The following ANTXR1 variants were observed in gnomAD, a reference collection of about 807,000 sequenced individuals.
ANTXR1 encodes ANTXR cell adhesion molecule 1.
A neutral mutation model predicts 78.1 loss-of-function variants in ANTXR1; 19 were observed. The observed-to-expected ratio is 0.24, with a 90% CI of 0.17 to 0.36. The LOEUF (loss-of-function observed/expected upper bound fraction) is 0.36. Among genes scored for constraint, ANTXR1 ranks in the 10% least tolerant of loss-of-function variants. The pLI, the probability that ANTXR1 is intolerant of heterozygous loss-of-function variation, is 1.00. For synonymous variants in ANTXR1, 273 were observed against 260.5 expected, an observed-to-expected ratio of 1.05 and a Z score of -0.46; for missense variants, 518 against 718.6, an observed-to-expected ratio of 0.72 and a Z score of 3.19.
chr2:69,184,216 G>T (rs1212206004), intron 16 of ANTXR1, among the ~76,000 whole-genome samples: 2 of 152,204 alleles, frequency 1.3e-5, no homozygotes, highest in Non-Finnish European at 2.9e-5. Context: ...AACGTTATTG[G>T]TGGTTACCTT....
chr2:69,102,775 T>A, intron 9 of ANTXR1, 67 bp from the exon 10 acceptor site: 1 of 1,444,998 alleles, frequency 6.9e-7, no homozygotes, highest in South Asian at 1.1e-5. Context: ...ATGCTCTAAA[T>A]CAGGGCAGAT....
At chr2:69,102,820 T>C (rs777097309) in intron 9 of ANTXR1, 22 bp from the exon 10 acceptor site, 1 of 1,610,738 alleles carries the variant, frequency 6.2e-7, no homozygotes, top group South Asian at 1.1e-5. Flanking sequence ...GTAACGAGTC[T>C]CGTCATTATT....
At chr2:69,103,036 C>T (rs755816284) in intron 10 of ANTXR1, 96 bp downstream of exon 10, 3 of 1,245,622 alleles carry the variant, frequency 2.4e-6, no homozygotes, top group Non-Finnish European at 2.4e-6. Flanking sequence ...CACATGAAAC[C>T]AGCAGAAAAG....
chr2:69,057,828 C>T (rs917628685), intron 3 of ANTXR1, among the ~76,000 whole-genome samples: 3 of 152,122 alleles, frequency 2.0e-5, no homozygotes, highest in African/African-American at 4.8e-5. Context: ...GCGTCTTGTG[C>T]CTGTTAGCTA....
intron 17 of ANTXR1, among the ~76,000 whole-genome samples, chr2:69,197,068 C>T (rs560024615): frequency 2.0e-5 from 3 of 152,316 alleles, no homozygotes; most frequent in East Asian, 1.9e-4. Flanking sequence ...GCAGGGAACA[C>T]GAGTGTTTTC....
chr2:69,193,338 A>C lies in ANTXR1; in HGVS notation c.1357A>C (p.Lys453Gln), dbSNP rs1251706316. The change falls in exon 17 of 18, where the codon AAA becomes CAA. Residue 453 changes from lysine (K) to glutamine (Q), a missense_variant. Physicochemically the swap from Lys to Gln is moderately conservative, Grantham distance 53 (BLOSUM62 1). This residue lies in a region of ANTXR1 where 192 missense variants were observed against 230.2 expected (regional missense o/e 0.83). Coordinates refer to ENST00000303714, the MANE Select transcript of ANTXR1 (RefSeq NM_032208.3). ...TGGTGCATTTGTTTTATTTCAGGGA[A>C]AACTCGATGCCTTGTGGGTCCTACT... The part of the protein sequence containing the change: ...PRKWYSPIKG[K>Q]LDALWVLLRK... 1 of 1,613,798 alleles carries C rather than the reference A, an allele frequency of 6.2e-7. No homozygotes were observed. The highest frequency in any genetic ancestry group is 8.5e-7 in the Non-Finnish European group (1 of 1,179,916).
At chr2:69,078,704 A>G (rs1670812588) in intron 8 of ANTXR1, among the ~76,000 whole-genome samples, 2 of 152,218 alleles carry the variant, frequency 1.3e-5, no homozygotes, top group Admixed American at 1.3e-4. Context: ...TGAGGATTAC[A>G]AGGATTACTG....
chr2:69,152,321 C>A, intron 13 of ANTXR1, 57 bp downstream of exon 13: 3 of 1,528,922 alleles, frequency 2.0e-6, no homozygotes, highest in South Asian at 1.1e-5. Flanking sequence ...AGTTCACAGA[C>A]CATGAGTAGA....
In ANTXR1 at chr2:69,049,017, T is replaced by A. The variant is rs546981853; in HGVS notation, c.296+4204T>A. On this transcript the variant is annotated intron_variant, in intron 3 of 17. Transcript: ENST00000303714. ...TTCAAATTAGTCTAATTGTCAACAT[T>A]TTTTTCCCAGGCATTTTAAGTTGCC... 2.0e-5 allele frequency among the ~76,000 whole-genome samples: 3 copies of A among 152,302 alleles called. No individual in the cohort carries two copies. In the South Asian group the frequency reaches 6.2e-4, roughly 32 times the overall value.
intron 12 of ANTXR1, among the ~76,000 whole-genome samples, chr2:69,131,541 C>T (rs1329290083): frequency 2.0e-5 from 3 of 152,192 alleles, no homozygotes; most frequent in Non-Finnish European, 2.9e-5. Context: ...TTGGAAAGAG[C>T]GGTTGTCTCT....
intron 17 of ANTXR1, among the ~76,000 whole-genome samples, chr2:69,234,347 C>G (rs1675699450): frequency 6.6e-6 from 1 of 152,166 alleles, no homozygotes; most frequent in African/African-American, 2.4e-5. Context: ...AATGGTATTT[C>G]TAAGTTAGCA....
intron 16 of ANTXR1, among the ~76,000 whole-genome samples, chr2:69,187,482 G>C (rs1573964116): frequency 6.6e-6 from 1 of 151,660 alleles, no homozygotes; most frequent in Non-Finnish European, 1.5e-5. Context: ...ACTCATGAGT[G>C]CATGTGTGTC....
chr2:69,187,254 A>G (rs1038008036), intron 16 of ANTXR1, among the ~76,000 whole-genome samples: 1 of 152,010 alleles, frequency 6.6e-6, no homozygotes, highest in African/African-American at 2.4e-5. Flanking sequence ...TCCTCATTCC[A>G]GACTCATGAT....
chr2:69,068,608 C>T (rs1025682689), intron 3 of ANTXR1, among the ~76,000 whole-genome samples: 2 of 152,144 alleles, frequency 1.3e-5, no homozygotes, highest in African/African-American at 4.8e-5. Flanking sequence ...GACAGGGAGG[C>T]AAGAGCCATC....
intron 3 of ANTXR1, among the ~76,000 whole-genome samples, chr2:69,050,842 A>G (rs960396046): frequency 3.3e-5 from 5 of 152,072 alleles, no homozygotes; most frequent in African/African-American, 1.2e-4. Context: ...TATTTGCCCC[A>G]TTCAGATTAC....
intron 3 of ANTXR1, among the ~76,000 whole-genome samples, chr2:69,051,756 T>C (rs763332186): frequency 1.1e-4 from 16 of 152,124 alleles, no homozygotes; most frequent in Non-Finnish European, 2.4e-4. Context: ...TTTATTTTAA[T>C]TTCCAACACA....
At chr2:69,205,447 C>A (rs945873768) in intron 17 of ANTXR1, among the ~76,000 whole-genome samples, 3 of 152,204 alleles carry the variant, frequency 2.0e-5, no homozygotes, top group Non-Finnish European at 4.4e-5. Flanking sequence ...AAGCCCAAGA[C>A]CTTCTCCCAG....
intron 1 of ANTXR1, among the ~76,000 whole-genome samples, chr2:69,030,298 A>G (rs1350823558): frequency 6.6e-6 from 1 of 152,200 alleles, no homozygotes; most frequent in Admixed American, 6.5e-5. Context: ...TTTCAGTACT[A>G]GTGTTAAACG....
intron 9 of ANTXR1, among the ~76,000 whole-genome samples, chr2:69,102,459 G>A (rs1020894278): frequency 2.0e-5 from 3 of 152,254 alleles, no homozygotes; most frequent in Admixed American, 1.3e-4. Flanking sequence ...TGATTAAAGA[G>A]GAAGTGGAGG....
Sources: allele counts gnomAD v4.1 joint callset (sites outside exome capture counted in the v4.1 genomes callset), GRCh38; gene constraint gnomAD v4.1.1; regional missense constraint gnomAD v4.1.1; transcripts MANE v1.5; gene names NCBI Gene and HGNC (gene_info 2026-07-23, HGNC 2026-07-21).